Variants in CYP39A1 observed in about 807,000 individuals in gnomAD.
CYP39A1 encodes cytochrome P450 family 39 subfamily A member 1.
In CYP39A1, 49 loss-of-function variants were observed where a neutral mutation model predicts 58.1. The observed-to-expected ratio is 0.84, with a 90% CI of 0.67 to 1.07. The LOEUF is 1.07. Ranked by LOEUF, CYP39A1 falls within the 50% of genes least tolerant of loss-of-function variation. The pLI, the probability that CYP39A1 is intolerant of heterozygous loss-of-function variation, is 0.00. For missense variants in CYP39A1, 531 were observed against 539.4 expected (o/e 0.98, Z 0.16); for synonymous variants, 209 against 187.6 (o/e 1.11, Z -0.93).
At chr6:46,591,139 C>T (rs1228473795) in intron 8 of CYP39A1, among the ~76,000 whole-genome samples, 4 of 152,002 alleles carry the variant, frequency 2.6e-5, no homozygotes, top group East Asian at 1.9e-4. Context: ...AGTTTCATTA[C>T]CCTTTTATCT....
chr6:46,585,669 A>C (rs1240051195), intron 10 of CYP39A1, among the ~76,000 whole-genome samples: 1 of 152,162 alleles, frequency 6.6e-6, no homozygotes, highest in Non-Finnish European at 1.5e-5. Flanking sequence ...TTCAGCTCCA[A>C]ACAATGGAAC....
intron 10 of CYP39A1, among the ~76,000 whole-genome samples, chr6:46,562,427 A>G (rs1055811417): frequency 6.6e-6 from 1 of 152,150 alleles, no homozygotes; most frequent in African/African-American, 2.4e-5. Context: ...GTACATATTC[A>G]AAGCATCATA....
At chr6:46,602,950 C>A (rs561704497) in intron 7 of CYP39A1, among the ~76,000 whole-genome samples, 3 of 145,998 alleles carry the variant, frequency 2.1e-5, no homozygotes, top group Non-Finnish European at 4.5e-5. Flanking sequence ...ATTTCTTCTT[C>A]TGAACAATAA....
intron 6 of CYP39A1, among the ~76,000 whole-genome samples, chr6:46,629,214 C>T (rs528246184): frequency 1.3e-5 from 2 of 152,280 alleles, no homozygotes; most frequent in South Asian, 4.2e-4. Context: ...GATTTAAATC[C>T]TTTCAGACCA....
intron 10 of CYP39A1, among the ~76,000 whole-genome samples, chr6:46,568,313 T>C (rs78680695): frequency 6.6e-6 from 1 of 152,158 alleles, no homozygotes; most frequent in East Asian, 1.9e-4. Context: ...CCTTATCAGA[T>C]ATGTAATTTG....
intron 10 of CYP39A1, among the ~76,000 whole-genome samples, chr6:46,580,917 C>T (rs754892185): frequency 5.3e-5 from 8 of 152,076 alleles, no homozygotes; most frequent in South Asian, 2.1e-4. Flanking sequence ...TAAAATAGTT[C>T]GGTCACTATA....
At chr6:46,597,048 C>T (rs1211640012) in intron 7 of CYP39A1, among the ~76,000 whole-genome samples, 1 of 152,060 alleles carries the variant, frequency 6.6e-6, no homozygotes, top group Non-Finnish European at 1.5e-5. Context: ...CTCTCTTTGA[C>T]TCTGGATGAG....
intron 7 of CYP39A1, among the ~76,000 whole-genome samples, chr6:46,624,417 T>G (rs1224719585): frequency 6.6e-6 from 1 of 152,196 alleles, no homozygotes; most frequent in East Asian, 1.9e-4. Flanking sequence ...CTGTTAGCAT[T>G]GTTGGCATTC....
chr6:46,569,026 G>A (rs576423915), intron 10 of CYP39A1, among the ~76,000 whole-genome samples: 26 of 152,046 alleles, frequency 1.7e-4, no homozygotes, highest in South Asian at 1.0e-3. Context: ...CATGGGATAT[G>A]TATCTATTTA....
intron 5 of CYP39A1, among the ~76,000 whole-genome samples, chr6:46,631,737 G>A (rs535939302): frequency 2.6e-5 from 4 of 152,242 alleles, no homozygotes; most frequent in South Asian, 2.1e-4. Context: ...TACAGAGAAC[G>A]GACATTTGAC....
chr6:46,590,597 A>G (rs1582350173), intron 8 of CYP39A1, among the ~76,000 whole-genome samples: 2 of 152,192 alleles, frequency 1.3e-5, no homozygotes, highest in East Asian at 3.9e-4. Flanking sequence ...ATTCTTTTGT[A>G]TGATAAAAAC....
intron 10 of CYP39A1, chr6:46,583,512 C>T (rs941193778): frequency 3.0e-6 from 3 of 985,354 alleles, no homozygotes; most frequent in Non-Finnish European, 3.6e-6. Flanking sequence ...TATAATGAGA[C>T]TCTTCACTTT....
At chr6:46,626,048 T>C (rs1426425312) in intron 6 of CYP39A1, among the ~76,000 whole-genome samples, 2 of 146,338 alleles carry the variant, frequency 1.4e-5, no homozygotes, top group Non-Finnish European at 3.0e-5. Context: ...AAAAACAAAG[T>C]CCTTTTTTTT....
At chr6:46,652,290 T>C (rs1395137595) in intron 1 of CYP39A1, 116 bp downstream of exon 1, 2 of 1,005,826 alleles carry the variant, frequency 2.0e-6, no homozygotes, top group Non-Finnish European at 2.8e-6. Flanking sequence ...ATCCTTTAGT[T>C]GAGGCAAGCA....
intron 1 of CYP39A1, among the ~76,000 whole-genome samples, chr6:46,643,853 G>C (rs1213733905): frequency 6.6e-6 from 1 of 152,162 alleles, no homozygotes; most frequent in African/African-American, 2.4e-5. Context: ...GTGTTACGAA[G>C]TACAGGCAGG....
intron 8 of CYP39A1, among the ~76,000 whole-genome samples, chr6:46,589,730 G>C (rs1354432399): frequency 6.6e-6 from 1 of 152,126 alleles, no homozygotes; most frequent in Non-Finnish European, 1.5e-5. Flanking sequence ...TGAGGCTAGA[G>C]AGGTCATTAC....
At chr6:46,625,206 T>C (rs1414012001) in intron 7 of CYP39A1, among the ~76,000 whole-genome samples, 2 of 152,156 alleles carry the variant, frequency 1.3e-5, no homozygotes, top group Admixed American at 1.3e-4. Context: ...GATTTCATCA[T>C]TTGGAAAATG....
intron 10 of CYP39A1, among the ~76,000 whole-genome samples, chr6:46,554,665 T>C (rs182892577): frequency 4.6e-5 from 7 of 152,320 alleles, no homozygotes; most frequent in East Asian, 3.9e-4. Context: ...CTGTGTCCCA[T>C]TGGGTTGTTT....
At chr6:46,638,335 CAACAACAAT>C (rs778340065) in intron 3 of CYP39A1, among the ~76,000 whole-genome samples, 43 of 151,928 alleles carry the variant, frequency 2.8e-4, no homozygotes, top group South Asian at 1.2e-3. Flanking sequence ...TAGACAGCAA[CAACAACAAT>C]AACAACAACA....
Sources: gnomAD v4.1 joint callset for allele counts (sites outside exome capture counted in the v4.1 genomes callset) on GRCh38, gnomAD v4.1.1 for gene constraint, MANE v1.5 for transcripts, NCBI Gene and HGNC (gene_info 2026-07-23, HGNC 2026-07-21) for gene names.